MDGA2: variants seen among roughly 807,000 people sequenced by gnomAD.
The protein encoded by MDGA2 is MAM domain-containing glycosylphosphatidylinositol anchor protein 2.
Under a neutral mutation model 117.8 loss-of-function variants are expected in MDGA2, and 40 were observed. That is an observed-to-expected ratio of 0.34 (90% CI 0.26 to 0.44). MDGA2 has a LOEUF of 0.44. MDGA2 is among the 20% of genes least tolerant of loss of function. MDGA2 has a pLI of 1.00. For synonymous variants in MDGA2, 452 were observed against 439.0 expected, an observed-to-expected ratio of 1.03 and a Z score of -0.37; for missense variants, 1,123 against 1,250.6, an observed-to-expected ratio of 0.90 and a Z score of 1.54.
intron 6 of MDGA2, among the ~76,000 whole-genome samples, chr14:47,096,618 G>T (rs1004010885): frequency 6.6e-6 from 1 of 151,722 alleles, no homozygotes; most frequent in Non-Finnish European, 1.5e-5. Context: ...GCATTTGATG[G>T]TATCACTAAG....
rs1355723723 is a variant in MDGA2 at position 47,427,914 on chromosome 14, C to A, written c.281-126364G>T. ...GACTAAAATTTATCATGCAGTTAGT[C>A]TAGATCTATGGATTAGCTGCAACCT... On this transcript the variant is annotated intron_variant, in intron 1 of 16. Transcript: ENST00000399232. 2.0e-5 allele frequency among the ~76,000 whole-genome samples: 3 copies of A among 152,076 alleles called. 1 individual carries two copies. Among genetic ancestry groups the A allele is most frequent in the African/African-American group, 7.2e-5 (3 of 41,428 alleles).
intron 1 of MDGA2, among the ~76,000 whole-genome samples, chr14:47,495,438 C>G (rs1244893833): frequency 2.0e-5 from 3 of 151,934 alleles, no homozygotes; most frequent in Admixed American, 2.0e-4. Flanking sequence ...AGAAATTTGG[C>G]AATATTGTTA....
chr14:47,040,451 A>G (rs1183546134), intron 7 of MDGA2, among the ~76,000 whole-genome samples: 1 of 152,190 alleles, frequency 6.6e-6, no homozygotes, highest in Non-Finnish European at 1.5e-5. Context: ...CTATTTCCCA[A>G]AACTCATTCA....
chr14:47,195,879 G>C (rs1885271584), intron 3 of MDGA2, among the ~76,000 whole-genome samples: 1 of 151,922 alleles, frequency 6.6e-6, no homozygotes, highest in Non-Finnish European at 1.5e-5. Flanking sequence ...AGTTAAAACT[G>C]ACACAAAGAG....
intron 8 of MDGA2, among the ~76,000 whole-genome samples, chr14:46,976,051 T>G (rs1001170201): frequency 6.6e-6 from 1 of 152,172 alleles, no homozygotes; most frequent in African/African-American, 2.4e-5. Context: ...AATGGTGGAA[T>G]AATTTTCAGA....
At chr14:47,220,696 G>T (rs1280793235) in intron 2 of MDGA2, among the ~76,000 whole-genome samples, 1 of 152,152 alleles carries the variant, frequency 6.6e-6, no homozygotes, top group Non-Finnish European at 1.5e-5. Context: ...ATTTTTCTGT[G>T]ACTGATAGCC....
intron 1 of MDGA2, among the ~76,000 whole-genome samples, chr14:47,330,455 C>A (rs900297419): frequency 1.3e-5 from 2 of 151,754 alleles, no homozygotes; most frequent in Non-Finnish European, 2.9e-5. Context: ...GCTCATAATT[C>A]AATGCACCAT....
In MDGA2 at chr14:47,206,064, A is replaced by C. The variant is rs558537154; in HGVS notation, c.595+11957T>G. Among the ~76,000 whole-genome samples, 11 of 152,172 alleles carry C rather than the reference A, an allele frequency of 7.2e-5. 1 individual carries two copies. Among genetic ancestry groups the C allele is most frequent in the Admixed American group, 5.9e-4 (9 of 15,284 alleles). On this transcript the variant is annotated intron_variant, in intron 3 of 16. Transcript: ENST00000399232. Reference sequence around the variant, plus strand: ...CATTGAAAATACTGCTGTTCATAGAAAAAAGAAAGAAGATAGCTAATTTGT... The same window carrying C: ...CATTGAAAATACTGCTGTTCATAGACAAAAGAAAGAAGATAGCTAATTTGT...
At chr14:46,869,981 A>G (rs1349896657) in intron 14 of MDGA2, among the ~76,000 whole-genome samples, 1 of 151,892 alleles carries the variant, frequency 6.6e-6, no homozygotes, top group Non-Finnish European at 1.5e-5. Flanking sequence ...TGAGTCTTCA[A>G]ATTATGGTGG....
intron 1 of MDGA2, among the ~76,000 whole-genome samples, chr14:47,632,803 T>C (rs1897263016): frequency 6.6e-6 from 1 of 152,050 alleles, no homozygotes; most frequent in Non-Finnish European, 1.5e-5. Flanking sequence ...AACCTCTCTC[T>C]CCTTCTGATT....
chr14:47,000,419 ACAC>A (rs1887485406), intron 8 of MDGA2, among the ~76,000 whole-genome samples: 3 of 129,714 alleles, frequency 2.3e-5, no homozygotes, highest in Non-Finnish European at 5.0e-5. Context: ...TTATATATAT[ACAC>A]ATATAAATAT....
At chr14:47,354,031 T>C (rs778011861) in intron 1 of MDGA2, among the ~76,000 whole-genome samples, 33 of 152,124 alleles carry the variant, frequency 2.2e-4, no homozygotes, top group African/African-American at 7.5e-4. Context: ...ATTCACTACA[T>C]TAATGGAATA....
At chr14:47,227,992 A>G (rs1206470643) in intron 2 of MDGA2, among the ~76,000 whole-genome samples, 1 of 152,120 alleles carries the variant, frequency 6.6e-6, no homozygotes, top group African/African-American at 2.4e-5. Context: ...CATCGCCAAC[A>G]TAACACATCC....
intron 8 of MDGA2, among the ~76,000 whole-genome samples, chr14:46,994,307 T>C (rs1887204390): frequency 6.6e-6 from 1 of 152,146 alleles, no homozygotes; most frequent in African/African-American, 2.4e-5. Context: ...TACAATAATC[T>C]GTAACTTTAA....
At chr14:47,019,542 A>C (rs1888208981) in intron 8 of MDGA2, among the ~76,000 whole-genome samples, 1 of 152,128 alleles carries the variant, frequency 6.6e-6, no homozygotes. Flanking sequence ...TTCAAGTCAA[A>C]ATATTATCTA....
chr14:47,193,378 T>C (rs1276427219), intron 3 of MDGA2, among the ~76,000 whole-genome samples: 3 of 152,198 alleles, frequency 2.0e-5, no homozygotes, highest in African/African-American at 7.2e-5. Context: ...TATTGTCTCA[T>C]AGATAGAGTA....
At chr14:47,043,308 A>C (rs1266091584) in intron 7 of MDGA2, among the ~76,000 whole-genome samples, 1 of 152,082 alleles carries the variant, frequency 6.6e-6, no homozygotes, top group East Asian at 1.9e-4. Context: ...TTATTAAAGG[A>C]ATAAAGGTTG....
At chr14:47,564,777 A>T (rs936935880) in intron 1 of MDGA2, among the ~76,000 whole-genome samples, 1 of 152,180 alleles carries the variant, frequency 6.6e-6, no homozygotes, top group Non-Finnish European at 1.5e-5. Context: ...GTCTCTTTAC[A>T]TCATCCAATA....
At chr14:46,865,836 G>A (rs1359226673) in intron 14 of MDGA2, among the ~76,000 whole-genome samples, 1 of 151,714 alleles carries the variant, frequency 6.6e-6, no homozygotes, top group African/African-American at 2.4e-5. Context: ...ACTTACAAGG[G>A]ATGTGAAGGA....
Sources: gnomAD v4.1 joint callset for allele counts (sites outside exome capture counted in the v4.1 genomes callset) on GRCh38, gnomAD v4.1.1 for gene constraint, MANE v1.5 for transcripts, NCBI Gene and HGNC (gene_info 2026-07-23, HGNC 2026-07-21) for gene names.